LINGO2: variants seen among roughly 807,000 people sequenced by gnomAD.
LINGO2 encodes the protein leucine-rich repeat and immunoglobulin-like domain-containing nogo receptor-interacting protein 2.
A neutral mutation model predicts 30.6 loss-of-function variants in LINGO2; 14 were observed. The observed-to-expected ratio is 0.46, with a 90% CI of 0.30 to 0.72. The LOEUF (loss-of-function observed/expected upper bound fraction) is 0.72, where lower values mean the gene tolerates loss of function less well. LINGO2 is among the 30% of genes least tolerant of loss of function. The probability of loss-of-function intolerance (pLI) is 0.07; values close to 1 mark genes in which losing one functional copy is unlikely to be tolerated. For missense variants in LINGO2, 729 were observed against 751.7 expected, an observed-to-expected ratio of 0.97 and a Z score of 0.35; for synonymous variants, 317 against 288.5, an observed-to-expected ratio of 1.10 and a Z score of -1.00.
chr9:28,332,509 C>G (rs1337061167), intron 3 of LINGO2, among the ~76,000 whole-genome samples: 1 of 151,874 alleles, frequency 6.6e-6, no homozygotes, highest in East Asian at 1.9e-4. Flanking sequence ...TACAAGGACA[C>G]TTCTCAAATC....
At chr9:29,083,841 A>G in the LINGO2 span, among the ~76,000 whole-genome samples, 1 of 152,120 alleles carries the variant, frequency 6.6e-6, no homozygotes, top group Non-Finnish European at 1.5e-5. Context: ...CATCATTTCC[A>G]TCACCTTCCA....
chr9:29,035,224 C>T, the LINGO2 span, among the ~76,000 whole-genome samples: 1 of 151,912 alleles, frequency 6.6e-6, no homozygotes, highest in Admixed American at 6.6e-5. Context: ...TAGTCAAAAC[C>T]TCTAATTTTA....
At chr9:28,907,309 G>A in the LINGO2 span, among the ~76,000 whole-genome samples, 3 of 151,956 alleles carry the variant, frequency 2.0e-5, no homozygotes, top group Non-Finnish European at 4.4e-5. Context: ...ATGAGAATGA[G>A]TGTGGCTAAG....
intron 1 of LINGO2, among the ~76,000 whole-genome samples, chr9:28,506,241 C>A (rs1252579429): frequency 6.6e-6 from 1 of 151,114 alleles, no homozygotes; most frequent in African/African-American, 2.4e-5. Flanking sequence ...TTAGACAAGT[C>A]ATAACTTGGA....
chr9:28,221,817 T>C (rs1820975773), intron 4 of LINGO2, among the ~76,000 whole-genome samples: 1 of 152,202 alleles, frequency 6.6e-6, no homozygotes, highest in African/African-American at 2.4e-5. Context: ...TACCAAGTTA[T>C]CCATGACTTT....
At chr9:28,356,447 T>C (rs906024671) in intron 3 of LINGO2, among the ~76,000 whole-genome samples, 1 of 152,150 alleles carries the variant, frequency 6.6e-6, no homozygotes, top group Non-Finnish European at 1.5e-5. Context: ...GAAAGTTGAA[T>C]GAGTGCCTTA....
chr9:28,843,465 T>A, the LINGO2 span, among the ~76,000 whole-genome samples: 11 of 151,742 alleles, frequency 7.2e-5, 1 homozygote, highest in South Asian at 2.3e-3. Context: ...ACATCAGGCT[T>A]AAGATAATGG....
chr9:28,273,314 G>A (rs1270551203), intron 4 of LINGO2, among the ~76,000 whole-genome samples: 1 of 152,144 alleles, frequency 6.6e-6, no homozygotes, highest in Non-Finnish European at 1.5e-5. Context: ...TATGGCTGTA[G>A]TATCCACCAA....
At chr9:29,051,315 C>G in the LINGO2 span, among the ~76,000 whole-genome samples, 4 of 152,130 alleles carry the variant, frequency 2.6e-5, no homozygotes, top group African/African-American at 9.7e-5. Context: ...CCTCCCCAAC[C>G]TTTGGTAACA....
chr9:28,099,352 A>G (rs1826342299), intron 4 of LINGO2, among the ~76,000 whole-genome samples: 1 of 152,146 alleles, frequency 6.6e-6, no homozygotes, highest in Non-Finnish European at 1.5e-5. Context: ...TATTTATACA[A>G]TTTGTCTGTG....
At chr9:29,012,763 A>C in the LINGO2 span, among the ~76,000 whole-genome samples, 1 of 152,176 alleles carries the variant, frequency 6.6e-6, no homozygotes, top group Non-Finnish European at 1.5e-5. Flanking sequence ...CATTCAAAGT[A>C]ACTGTCACAA....
At chr9:28,532,495 G>A (rs1564271324) in intron 1 of LINGO2, among the ~76,000 whole-genome samples, 1 of 151,866 alleles carries the variant, frequency 6.6e-6, no homozygotes, top group Non-Finnish European at 1.5e-5. Context: ...TTGTTACACT[G>A]GGAAACAAAC....
intron 2 of LINGO2, among the ~76,000 whole-genome samples, chr9:28,456,307 G>A (rs895987481): frequency 3.3e-5 from 5 of 152,156 alleles, no homozygotes; most frequent in East Asian, 1.9e-4. Context: ...GTCAGCCTAT[G>A]CACACACTTC....
intron 5 of LINGO2, among the ~76,000 whole-genome samples, chr9:27,951,136 G>C (rs1041498316): frequency 6.6e-6 from 1 of 152,134 alleles, no homozygotes; most frequent in African/African-American, 2.4e-5. Flanking sequence ...TAATGTTTAG[G>C]ATATCATCCT....
At chr9:29,068,165 G>A in the LINGO2 span, among the ~76,000 whole-genome samples, 5 of 151,834 alleles carry the variant, frequency 3.3e-5, no homozygotes, top group African/African-American at 1.2e-4. Flanking sequence ...CAGGTCTCCA[G>A]TCTGCAATCA....
chr9:29,043,252 T>C, the LINGO2 span, among the ~76,000 whole-genome samples: 1 of 151,952 alleles, frequency 6.6e-6, no homozygotes, highest in Non-Finnish European at 1.5e-5. Context: ...AAGCAAATGT[T>C]ACAGAAAAAG....
chr9:29,104,530 T>A, the LINGO2 span, among the ~76,000 whole-genome samples: 1 of 152,092 alleles, frequency 6.6e-6, no homozygotes, highest in African/African-American at 2.4e-5. Flanking sequence ...TTACCCAGTC[T>A]CGGGTAGTTC....
At chr9:29,072,127 T>C in the LINGO2 span, among the ~76,000 whole-genome samples, 8 of 151,776 alleles carry the variant, frequency 5.3e-5, no homozygotes, top group Non-Finnish European at 8.8e-5. Context: ...TCCTTATCAA[T>C]AGATAAGGAA....
At chr9:28,885,937 T>C in the LINGO2 span, among the ~76,000 whole-genome samples, 1 of 152,196 alleles carries the variant, frequency 6.6e-6, no homozygotes, top group African/African-American at 2.4e-5. Context: ...CCATTGAACT[T>C]GCCTAATATA....
Sources: allele counts gnomAD v4.1 joint callset (sites outside exome capture counted in the v4.1 genomes callset), GRCh38; gene constraint gnomAD v4.1.1; transcripts MANE v1.5; gene names NCBI Gene and HGNC (gene_info 2026-07-23, HGNC 2026-07-21).